The following ANKFY1 variants were observed in gnomAD, a reference collection of about 807,000 sequenced individuals.
ANKFY1 encodes ankyrin repeat and FYVE domain containing 1.
In ANKFY1, 47 loss-of-function variants were observed where a neutral mutation model predicts 128.3. The ratio of observed to expected loss-of-function variants is 0.37; its 90% CI spans 0.29 to 0.47. The LOEUF (loss-of-function observed/expected upper bound fraction) is 0.47, where lower values mean the gene tolerates loss of function less well. ANKFY1 is among the 20% of genes least tolerant of loss of function. The pLI, the probability that ANKFY1 is intolerant of heterozygous loss-of-function variation, is 1.00. For missense variants in ANKFY1, 1,222 were observed against 1,510.6 expected, an observed-to-expected ratio of 0.81 and a Z score of 3.17; for synonymous variants, 553 against 601.6, an observed-to-expected ratio of 0.92 and a Z score of 1.18.
Position 4,181,172 on chromosome 17 carries a change from T to A in ANKFY1, c.2240+82A>T. ...AAGCCGGCTACTGGCATGCCAAGAC[T>A]ATAGACGGATTTAAAAAGGAAAGAG... On this transcript the variant is annotated intron_variant, in intron 16 of 24. Transcript: ENST00000341657. The surrounding 1 kb of genome is among the most constrained non-coding windows in gnomAD (Gnocchi z 4.9). 8.5e-7 allele frequency: 1 copy of A among 1,180,806 alleles called. No individual in the cohort carries two copies. The highest frequency in any genetic ancestry group is 1.3e-6 in the Non-Finnish European group (1 of 792,720). The allele number at this position is 1,180,806 out of a possible 1,614,324, so 73.1% of individuals were successfully genotyped here. A position where few individuals can be genotyped will look rare whatever the true frequency, so the allele number is the denominator to read the frequency against.
intron 5 of ANKFY1, 31 bp downstream of exon 5, chr17:4,209,793 G>C: frequency 6.3e-7 from 1 of 1,585,710 alleles, no homozygotes; most frequent in Non-Finnish European, 8.6e-7. Context: ...GCCAGCTAGA[G>C]TGCTTTGTTG....
rs767838836 is a variant in ANKFY1, at chr17:4,181,277, G to T, written c.2217C>A (p.Pro739=). Residue 739 remains proline (P), a synonymous_variant, in exon 16 of 25, where the codon CCC becomes CCA. Transcript: ENST00000341657. The surrounding 1 kb of genome is among the most constrained non-coding windows in gnomAD (Gnocchi z 4.9). ...ACCTGCGAATAAGAAAGCAGGCGGT[G>T]GGCTCGTTGTTTTCATCAATGGCTC... The part of the protein sequence containing the change: ...LHRAIDENNE[P]TACFLIRSGC... 1 of 1,613,998 alleles carries T rather than the reference G, an allele frequency of 6.2e-7. No homozygotes were observed. Among genetic ancestry groups the T allele is most frequent in the Admixed American group, 1.7e-5 (1 of 60,010 alleles).
Position 4,263,749 on chromosome 17 carries a change from A to C in ANKFY1, c.10+183T>G, listed in dbSNP as rs1369304414. 13 of 1,506,522 alleles carry C rather than the reference A, an allele frequency of 8.6e-6. No individual in the cohort carries two copies. The Admixed American group carries it at 2.2e-4, about 26-fold the overall frequency. The allele number at this position is 1,506,522 out of a possible 1,614,324, so 93.3% of individuals were successfully genotyped here. ...TCGGCATCGCGGGAGGGACGTTGTC[A>C]TAGGAACCGCGCTCCGGACCCCGGC... On this transcript the variant is annotated intron_variant, in intron 1 of 24. Transcript: ENST00000341657.
At chr17:4,220,934 G>A (rs972404525) in intron 3 of ANKFY1, among the ~76,000 whole-genome samples, 11 of 152,220 alleles carry the variant, frequency 7.2e-5, no homozygotes, top group Non-Finnish European at 1.6e-4. Context: ...CTGCGTGAGG[G>A]AGGTAATCAT....
chr17:4,253,879 C>T (rs1967972641), intron 1 of ANKFY1, among the ~76,000 whole-genome samples: 1 of 152,104 alleles, frequency 6.6e-6, no homozygotes, highest in African/African-American at 2.4e-5. Context: ...AATGACACCC[C>T]CATAAGATAC....
intron 4 of ANKFY1, among the ~76,000 whole-genome samples, chr17:4,211,327 G>A (rs927156574): frequency 2.0e-5 from 3 of 151,436 alleles, no homozygotes; most frequent in Non-Finnish European, 4.4e-5. Context: ...AACCCGGGAG[G>A]CAGAGGTTGC....
intron 1 of ANKFY1, among the ~76,000 whole-genome samples, chr17:4,263,053 G>A (rs1224332498): frequency 1.3e-5 from 2 of 150,476 alleles, no homozygotes; most frequent in African/African-American, 5.0e-5. Context: ...ATGGGGTGAA[G>A]AGGAGAACCA....
At chr17:4,189,590 A>G in intron 10 of ANKFY1, 111 bp from the exon 11 acceptor site, 1 of 945,974 alleles carries the variant, frequency 1.1e-6, no homozygotes, top group Admixed American at 2.1e-5. Flanking sequence ...CACGCCAGAC[A>G]GTAGGCCCAC....
intron 3 of ANKFY1, chr17:4,222,508 G>A: frequency 1.1e-6 from 1 of 944,914 alleles, no homozygotes; most frequent in Non-Finnish European, 1.8e-6. Flanking sequence ...TTCTGTTCAG[G>A]GAGAAGTTCT....
chr17:4,261,921 C>T (rs1370510903), intron 1 of ANKFY1, among the ~76,000 whole-genome samples: 3 of 152,258 alleles, frequency 2.0e-5, no homozygotes, highest in African/African-American at 7.2e-5. Flanking sequence ...ACTCAAAAAG[C>T]AACTTCAGGG....
Position 4,224,255 on chromosome 17 carries a change from C to T in ANKFY1, c.323-7137G>A, listed in dbSNP as rs546430540. ...TTTTTTTTTTTTTGAGACGGAGTCTCGCTGTCGCCCAGGCTGGAGTGCAGT... is the reference window on the plus strand; with the variant it reads ...TTTTTTTTTTTTTGAGACGGAGTCTTGCTGTCGCCCAGGCTGGAGTGCAGT... On this transcript the variant is annotated intron_variant, in intron 3 of 24. Coordinates refer to ENST00000341657, the MANE Select transcript of ANKFY1 (RefSeq NM_001330063.2). Among the ~76,000 whole-genome samples, 15 of 114,256 alleles carry T rather than the reference C, an allele frequency of 1.3e-4. 1 individual carries two copies. In the South Asian group the frequency reaches 3.8e-3, roughly 29 times the overall value. The allele number at this position is 114,256 out of a possible 152,430, so 75.0% of individuals were successfully genotyped here.
intron 3 of ANKFY1, among the ~76,000 whole-genome samples, chr17:4,221,833 T>C (rs2060319187): frequency 6.6e-6 from 1 of 152,026 alleles, no homozygotes; most frequent in African/African-American, 2.4e-5. Flanking sequence ...GTCAGGCTGG[T>C]CTGGAACTCC....
intron 3 of ANKFY1, among the ~76,000 whole-genome samples, chr17:4,225,973 G>A (rs1025111693): frequency 6.6e-6 from 1 of 152,106 alleles, no homozygotes; most frequent in African/African-American, 2.4e-5. Flanking sequence ...ATGTTGCCCA[G>A]GCTGGTCTCA....
intron 1 of ANKFY1, among the ~76,000 whole-genome samples, chr17:4,258,555 G>C (rs897465174): frequency 6.6e-6 from 1 of 150,646 alleles, no homozygotes; most frequent in African/African-American, 2.4e-5. Flanking sequence ...AAACAGCAAA[G>C]TTCCTTCTTT....
intron 3 of ANKFY1, among the ~76,000 whole-genome samples, chr17:4,225,230 G>A (rs1415026625): frequency 2.0e-5 from 3 of 152,004 alleles, no homozygotes; most frequent in African/African-American, 7.3e-5. Flanking sequence ...AGTGGTGCAT[G>A]CCTGTAATCC....
chr17:4,182,664 A>C (rs555654462), intron 14 of ANKFY1, among the ~76,000 whole-genome samples: 1 of 152,198 alleles, frequency 6.6e-6, no homozygotes, highest in Non-Finnish European at 1.5e-5. Context: ...TCCCCCACTC[A>C]GTCATTCAGT....
intron 10 of ANKFY1, chr17:4,194,723 T>C: frequency 2.1e-6 from 1 of 486,896 alleles, no homozygotes; most frequent in South Asian, 2.3e-5. Context: ...AATTCTTGAG[T>C]CCAAAGAGTC....
chr17:4,207,382 T>C (rs1244740844), intron 6 of ANKFY1, among the ~76,000 whole-genome samples: 1 of 152,084 alleles, frequency 6.6e-6, no homozygotes, highest in African/African-American at 2.4e-5. Context: ...CTCTAGAAGG[T>C]GGGAATGGCC....
At chr17:4,213,676 C>T (rs1286913994) in intron 4 of ANKFY1, among the ~76,000 whole-genome samples, 2 of 151,204 alleles carry the variant, frequency 1.3e-5, no homozygotes, top group Non-Finnish European at 2.9e-5. Context: ...ATGCGATTCT[C>T]CTGTCTCCTG....
Sources: gnomAD v4.1 joint callset for allele counts (sites outside exome capture counted in the v4.1 genomes callset) on GRCh38, gnomAD v4.1.1 for gene constraint, Gnocchi (gnomAD v3.1) non-coding constraint, MANE v1.5 for transcripts, NCBI Gene and HGNC (gene_info 2026-07-23, HGNC 2026-07-21) for gene names.